The following POLD1 variants were observed in gnomAD, a reference collection of about 807,000 sequenced individuals.
POLD1 encodes DNA polymerase delta catalytic subunit.
A neutral mutation model predicts 129.7 loss-of-function variants in POLD1; 79 were observed. The observed-to-expected ratio is 0.61, with a 90% CI of 0.51 to 0.73. POLD1 has a LOEUF of 0.73. Among genes scored for constraint, POLD1 ranks in the 30% least tolerant of loss-of-function variants. The pLI, the probability that POLD1 is intolerant of heterozygous loss-of-function variation, is 0.00. For synonymous variants in POLD1, 714 were observed against 683.3 expected (o/e 1.04, Z -0.70); for missense variants, 1,338 against 1,595.8 (o/e 0.84, Z 2.75).
rs1275140264 is a variant in POLD1, at chr19:50,416,730, G to A, written c.3067+7G>A. 7 of 1,521,454 alleles carry A rather than the reference G, an allele frequency of 4.6e-6. No homozygotes were observed. Among genetic ancestry groups the A allele is most frequent in the South Asian group, 1.2e-5 (1 of 83,586 alleles). 94.2% of individuals were successfully genotyped at this position (1,521,454 alleles called of 1,614,324 possible). On this transcript the variant is annotated splice_region_variant and intron_variant, in intron 24 of 26. Coordinates refer to ENST00000440232, the MANE Select transcript of POLD1 (RefSeq NM_002691.4). ...ACAGTGCTCAGCCACCAGGGTGAGC[G>A]GCCCTGGCCACTGGGCCCCCACTGG...
chr19:50,409,368 C>A lies in POLD1; in HGVS notation c.2006+133C>A. On this transcript the variant is annotated intron_variant, in intron 16 of 26. Coordinates refer to ENST00000440232, the MANE Select transcript of POLD1 (RefSeq NM_002691.4). This position sits in a 1 kb window ranked among gnomAD's most constrained non-coding sequence, Gnocchi z 5.8. ...CTGTGCGTGAATTAGCACAAGGCAT[C>A]CCCTCCTGGCAGCTTCCTTTTGCCC... The A allele has an allele frequency of 1.6e-6, 2 of 1,265,376 alleles. No individual in the cohort carries two copies. Among genetic ancestry groups the A allele is most frequent in the Non-Finnish European group, 2.3e-6 (2 of 887,400 alleles). The allele number at this position is 1,265,376 out of a possible 1,614,324, so 78.4% of individuals were successfully genotyped here. A position where few individuals can be genotyped will look rare whatever the true frequency, so the allele number is the denominator to read the frequency against.
chr19:50,415,884 C>G (rs931154258), intron 22 of POLD1, 58 bp downstream of exon 22: 20 of 1,262,908 alleles, frequency 1.6e-5, no homozygotes, highest in Non-Finnish European at 2.1e-5. Context: ...CTTCTGCTTT[C>G]CGAGATGGGC....
At chr19:50,410,141 G>A (rs990289828) in intron 17 of POLD1, among the ~76,000 whole-genome samples, 5 of 152,154 alleles carry the variant, frequency 3.3e-5, no homozygotes, top group Admixed American at 6.5e-5. Context: ...CCACGGCAGC[G>A]TCCCGGTCTG....
intron 10 of POLD1, among the ~76,000 whole-genome samples, chr19:50,404,187 C>G (rs1394200011): frequency 6.6e-6 from 1 of 152,000 alleles, no homozygotes; most frequent in South Asian, 2.1e-4. Context: ...CTCTCCTTGG[C>G]TTGCAGACGG....
intron 24 of POLD1, 38 bp downstream of exon 24, chr19:50,416,761 A>G (rs1169155473): frequency 7.0e-7 from 1 of 1,420,154 alleles, no homozygotes; most frequent in Admixed American, 2.0e-5. Context: ...ACTGGCCCTC[A>G]ACCTGCTCTG....
intron 1 of POLD1, among the ~76,000 whole-genome samples, chr19:50,389,887 GT>G (rs111716675): frequency 0.018 from 2,598 of 141,308 alleles, 66 homozygotes; most frequent in African/African-American, 0.059. Context: ...TGTCCAGCCT[GT>G]TTTTTTTTTT....
Position 50,407,126 on chromosome 19 carries a change from G to A in POLD1, c.1638G>A (p.Leu546=), listed in dbSNP as rs748925155. The A allele has an allele frequency of 6.2e-7, 1 of 1,613,178 alleles. No individual in the cohort carries two copies. Among genetic ancestry groups the A allele is most frequent in the African/African-American group, 1.3e-5 (1 of 74,916 alleles). The change falls in exon 13 of 27, where the codon CTG becomes CTA. Residue 546 remains leucine (L), a synonymous_variant. Transcript: ENST00000440232. ...TCACTGGCGTGCCCCTCAGCTACCTGCTCAGTCGTGGCCAGCAGGTCAAGG... is the reference window on the plus strand; with the variant it reads ...TCACTGGCGTGCCCCTCAGCTACCTACTCAGTCGTGGCCAGCAGGTCAAGG... ...ARVTGVPLSY[L]LSRGQQVKVV...
At chr19:50,408,989 G>A (rs899421440) in intron 15 of POLD1, 88 bp downstream of exon 15, 1 of 1,422,566 alleles carries the variant, frequency 7.0e-7, no homozygotes, top group Non-Finnish European at 9.8e-7. Context: ...ATAGGCACAG[G>A]CCCAGAGATA....
chr19:50,417,805 TG>T, intron 26 of POLD1, 36 bp from the exon 27 acceptor site: 3 of 1,365,644 alleles, frequency 2.2e-6, no homozygotes, highest in Non-Finnish European at 3.1e-6. Flanking sequence ...CACTGGGCCT[TG>T]GCTGGTCCTG....
At chr19:50,389,582 TTTC>T (rs2038082046) in intron 1 of POLD1, among the ~76,000 whole-genome samples, 2 of 150,622 alleles carry the variant, frequency 1.3e-5, no homozygotes, top group African/African-American at 5.0e-5. Flanking sequence ...CTATAAATAA[TTTC>T]TTATTTTTTT....
chr19:50,394,510 G>A (rs1332707791), intron 1 of POLD1, among the ~76,000 whole-genome samples: 1 of 151,986 alleles, frequency 6.6e-6, no homozygotes, highest in African/African-American at 2.4e-5. Flanking sequence ...AAAAAAATTA[G>A]CGGGTATGAT....
In POLD1 at chr19:50,399,586, G is replaced by A. The variant is rs55917637; in HGVS notation, c.316+102G>A. ...GCCCTGTGCTCCTGGGGCAGAGGCC[G>A]GGCCAGGTCAGCCCCTCTGGCTCTG... is the stretch of plus-strand genomic sequence containing the variant. On this transcript the variant is annotated intron_variant, in intron 3 of 26. Transcript: ENST00000440232. 8.5e-4 allele frequency: 710 copies of A among 836,202 alleles called. 8 individuals carry two copies. In the African/African-American group the frequency reaches 9.1e-3, roughly 11 times the overall value. The allele number at this position is 836,202 out of a possible 1,614,324, so 51.8% of individuals were successfully genotyped here. A position where few individuals can be genotyped will look rare whatever the true frequency, so the allele number is the denominator to read the frequency against.
intron 1 of POLD1, among the ~76,000 whole-genome samples, chr19:50,395,614 C>G (rs1487792214): frequency 6.6e-6 from 1 of 151,976 alleles, no homozygotes; most frequent in African/African-American, 2.4e-5. Context: ...GTAAAGAACA[C>G]CTGCACGCCC....
chr19:50,397,091 A>C (rs1421619112), intron 1 of POLD1, among the ~76,000 whole-genome samples: 1 of 77,292 alleles, frequency 1.3e-5, no homozygotes, highest in Admixed American at 1.3e-4. Flanking sequence ...ACTCCATCTC[A>C]AAAAAAAAAA....
intron 10 of POLD1, among the ~76,000 whole-genome samples, chr19:50,404,362 A>C (rs372935172): frequency 6.8e-5 from 10 of 147,802 alleles, no homozygotes; most frequent in Admixed American, 5.4e-4. Flanking sequence ...TCCCAGGTTC[A>C]TGCCATTCTC....
chr19:50,414,823 C>G lies in POLD1; in HGVS notation c.2397C>G (p.Phe799Leu). Residue 799 changes from phenylalanine to leucine, a missense_variant, in exon 20 of 27, where the codon TTC (phenylalanine) becomes TTG (leucine). This residue lies in a region of POLD1 where 720 missense variants were observed against 1,002.6 expected (regional missense o/e 0.72). Transcript: ENST00000440232. ...CCATGGCTCCCTCCCAGGTCTACTTCCCATACCTGCTTATCAGCAAGAAGC... is the reference window on the plus strand; with the variant it reads ...CCATGGCTCCCTCCCAGGTCTACTTGCCATACCTGCTTATCAGCAAGAAGC... ...PIRLEFEKVY[F>L]PYLLISKKRY... 1 of 1,577,528 alleles carries G rather than the reference C, an allele frequency of 6.3e-7. No individual in the cohort carries two copies.
At chr19:50,417,772 C>A in intron 26 of POLD1, 70 bp from the exon 27 acceptor site, 1 of 960,664 alleles carries the variant, frequency 1.0e-6, no homozygotes, top group Non-Finnish European at 1.6e-6. Context: ...TGGGAACAGC[C>A]CCCACCCCTC....
chr19:50,415,867 G>A lies in POLD1; in HGVS notation c.2820+41G>A, dbSNP rs376873005. ...CTGCCTGCTCCCGCCCAGCCCCCTC[G>A]CTCTCACTTCTGCTTTCCGAGATGG... is the stretch of plus-strand genomic sequence containing the variant. On this transcript the variant is annotated intron_variant, in intron 22 of 26. Transcript: ENST00000440232. 4.2e-5 allele frequency: 56 copies of A among 1,342,152 alleles called. No homozygotes were observed. The highest frequency in any genetic ancestry group is 1.3e-4 in the African/African-American group (9 of 68,124). 83.1% of individuals were successfully genotyped at this position (1,342,152 alleles called of 1,614,324 possible).
intron 1 of POLD1, among the ~76,000 whole-genome samples, chr19:50,388,988 A>G (rs2038061941): frequency 6.6e-6 from 1 of 151,806 alleles, no homozygotes; most frequent in Non-Finnish European, 1.5e-5. Context: ...GCGCACCACC[A>G]CATCTGGCTA....
Sources: gnomAD v4.1 joint callset for allele counts (sites outside exome capture counted in the v4.1 genomes callset) on GRCh38, gnomAD v4.1.1 for gene constraint, gnomAD v4.1.1 regional missense constraint, Gnocchi (gnomAD v3.1) non-coding constraint, MANE v1.5 for transcripts, NCBI Gene and HGNC (gene_info 2026-07-23, HGNC 2026-07-21) for gene names.